TTBK2: variants seen among roughly 807,000 people sequenced by gnomAD.
TTBK2 encodes the protein tau tubulin kinase 2.
A neutral mutation model predicts 110.8 loss-of-function variants in TTBK2; 28 were observed. That is an observed-to-expected ratio of 0.25 (90% CI 0.19 to 0.35). TTBK2 has a LOEUF of 0.35. Among genes scored for constraint, TTBK2 ranks in the 10% least tolerant of loss-of-function variants. The pLI is 1.00. For missense variants in TTBK2, 1,369 were observed against 1,500.3 expected, an observed-to-expected ratio of 0.91 and a Z score of 1.45; for synonymous variants, 532 against 527.3, an observed-to-expected ratio of 1.01 and a Z score of -0.12.
intron 3 of TTBK2, among the ~76,000 whole-genome samples, chr15:42,849,908 A>G (rs941224542): frequency 6.6e-6 from 1 of 152,026 alleles, no homozygotes; most frequent in Non-Finnish European, 1.5e-5. Context: ...ACAATCTTTC[A>G]TTTCACTGGG....
At chr15:42,842,015 A>G (rs907080057) in intron 3 of TTBK2, among the ~76,000 whole-genome samples, 1 of 152,196 alleles carries the variant, frequency 6.6e-6, no homozygotes, top group Admixed American at 6.6e-5. Context: ...AGAATGTAAT[A>G]TAAGAGGAAA....
At chr15:42,755,556 T>TC (rs1000704864) in intron 13 of TTBK2, among the ~76,000 whole-genome samples, 1 of 152,196 alleles carries the variant, frequency 6.6e-6, no homozygotes, top group Admixed American at 6.5e-5. Context: ...GCAACCACGG[T>TC]CCTGAGGATC....
intron 1 of TTBK2, among the ~76,000 whole-genome samples, chr15:42,898,396 A>T (rs1386345935): frequency 1.3e-5 from 2 of 151,936 alleles, no homozygotes; most frequent in Admixed American, 6.6e-5. Context: ...AATACAAAAA[A>T]TAGCCAGTTA....
intron 3 of TTBK2, among the ~76,000 whole-genome samples, chr15:42,841,270 G>A (rs971038122): frequency 6.6e-6 from 1 of 152,146 alleles, no homozygotes; most frequent in Admixed American, 6.5e-5. Flanking sequence ...GCAGTGGCAA[G>A]ATCTTGGCTC....
chr15:42,763,161 T>TATATATATAC (rs1889138025), intron 13 of TTBK2, among the ~76,000 whole-genome samples: 1 of 10,126 alleles, frequency 9.9e-5, no homozygotes, highest in Admixed American at 1.3e-3. Context: ...TATATACATA[T>TATATATATAC]ATATATATAT....
chr15:42,810,872 G>A (rs1891681339), intron 8 of TTBK2, 133 bp from the exon 9 acceptor site: 1 of 1,018,464 alleles, frequency 9.8e-7, no homozygotes, highest in African/African-American at 1.6e-5. Flanking sequence ...AGCAAGAACT[G>A]AGCTCTTACT....
chr15:42,767,970 A>C (rs1889466406), intron 13 of TTBK2, among the ~76,000 whole-genome samples: 1 of 152,254 alleles, frequency 6.6e-6, no homozygotes, highest in Non-Finnish European at 1.5e-5. Flanking sequence ...ATGCAAATTA[A>C]TAAACATAAT....
intron 6 of TTBK2, among the ~76,000 whole-genome samples, chr15:42,826,257 T>G (rs1402913221): frequency 2.6e-5 from 4 of 152,038 alleles, no homozygotes; most frequent in African/African-American, 9.7e-5. Flanking sequence ...TTATATTTAT[T>G]TTTTATTTTA....
intron 7 of TTBK2, among the ~76,000 whole-genome samples, chr15:42,816,118 A>ATG (rs1555427690): frequency 8.0e-4 from 83 of 104,148 alleles, no homozygotes; most frequent in African/African-American, 1.2e-3. Context: ...ATATATATAT[A>ATG]TGTGTATATT....
At chr15:42,889,136 C>T (rs1567079741) in intron 1 of TTBK2, among the ~76,000 whole-genome samples, 2 of 152,306 alleles carry the variant, frequency 1.3e-5, no homozygotes, top group South Asian at 4.1e-4. Flanking sequence ...AATCACTTCT[C>T]AGTGTTCCAT....
Position 42,775,311 on chromosome 15 carries a change from G to A in TTBK2, c.1822C>T (p.His608Tyr), listed in dbSNP as rs184167929. 5.0e-6 allele frequency: 8 copies of A among 1,614,166 alleles called. No individual in the cohort carries two copies. The East Asian group carries it at 1.3e-4, about 27-fold the overall frequency. Residue 608 changes from histidine (H) to tyrosine (Y), a missense_variant, in exon 13 of 15, where the codon CAT becomes TAT. By Grantham distance (83) the His-to-Tyr change is moderately conservative. This residue lies in a region of TTBK2 where 1,097 missense variants were observed against 1,114.7 expected (regional missense o/e 0.98). Coordinates refer to ENST00000267890, the MANE Select transcript of TTBK2 (RefSeq NM_173500.4). ...LQLGPWAEND[H>Y]LKKETSGVVL... The stretch of plus-strand genomic sequence containing the variant: ...ACACCTGAGGTTTCCTTCTTTAAAT[G>A]ATCATTTTCTGCCCAAGGACCTAAC...
Position 42,898,510 on chromosome 15 carries a change from C to CA in TTBK2, c.-67-19827dup, listed in dbSNP as rs1480445748. Among the ~76,000 whole-genome samples, 77 of 124,082 alleles carry CA rather than the reference C, an allele frequency of 6.2e-4. 2 individuals are homozygous for CA. Among genetic ancestry groups the CA allele is most frequent in the African/African-American group, 2.5e-3 (75 of 29,684 alleles). The allele number at this position is 124,082 out of a possible 152,430, so 81.4% of individuals were successfully genotyped here. A position where few individuals can be genotyped will look rare whatever the true frequency, so the allele number is the denominator to read the frequency against. ...TGGGCGGCAGAGTGAGACTCTGTCT[C>CA]AAAAAGAAAAAAAAAAAGAAAAAGA... On this transcript the variant is annotated intron_variant, in intron 1 of 14. Transcript: ENST00000267890.
At chr15:42,829,472 A>G (rs1286126020) in intron 5 of TTBK2, among the ~76,000 whole-genome samples, 1 of 152,254 alleles carries the variant, frequency 6.6e-6, no homozygotes, top group African/African-American at 2.4e-5. Flanking sequence ...AATAATGCCA[A>G]TTTAGGCATA....
At chr15:42,919,283 T>A (rs1049218537) in intron 1 of TTBK2, among the ~76,000 whole-genome samples, 5 of 151,056 alleles carry the variant, frequency 3.3e-5, no homozygotes, top group African/African-American at 1.2e-4. Flanking sequence ...CTTCTTTATT[T>A]AAAAAAAAAA....
At chr15:42,834,182 T>G (rs1471422588) in intron 4 of TTBK2, among the ~76,000 whole-genome samples, 1 of 78,930 alleles carries the variant, frequency 1.3e-5, no homozygotes, top group East Asian at 4.9e-4. Context: ...AGACCCCATC[T>G]CAAAAAAAAA....
rs746298904 is a variant in TTBK2 at position 42,801,903 on chromosome 15, C to A, written c.823-7102G>T. 22 of 1,520,224 alleles carry A rather than the reference C, an allele frequency of 1.4e-5. No individual in the cohort carries two copies. In the South Asian group the frequency reaches 2.0e-4, roughly 14 times the overall value. 94.2% of individuals were successfully genotyped at this position (1,520,224 alleles called of 1,614,324 possible). ...ACTTGTTCCTGAAGTCCTCCACCAG[C>A]CCATGCATGTTGCCAAGCTCCGCCT... is the stretch of plus-strand genomic sequence containing the variant. On this transcript the variant is annotated intron_variant, in intron 9 of 14. Transcript: ENST00000267890.
chr15:42,746,092 G>A lies in TTBK2; in HGVS notation c.3438C>T (p.Val1146=). The change falls in exon 15 of 15, where the codon GTC becomes GTT. Residue 1146 remains valine (V), a synonymous_variant. Transcript: ENST00000267890. The part of the protein sequence containing the change: ...NPKTPPKSPV[V]PRRSPSASPR... ...GAGAGGCACTGGGACTCCTGCGAGG[G>A]ACAACTGGACTCTTGGGTGGTGTTT... The A allele has an allele frequency of 1.9e-6, 3 of 1,614,134 alleles. No individual in the cohort carries two copies. The highest frequency in any genetic ancestry group is 2.5e-6 in the Non-Finnish European group (3 of 1,180,026).
intron 7 of TTBK2, among the ~76,000 whole-genome samples, chr15:42,814,079 T>C (rs530190542): frequency 2.2e-4 from 33 of 151,922 alleles, no homozygotes; most frequent in Non-Finnish European, 4.6e-4. Context: ...TGGAGTGCGA[T>C]GGGGCACTAT....
At chr15:42,816,125 TA>T (rs1256029698) in intron 7 of TTBK2, among the ~76,000 whole-genome samples, 5 of 132,388 alleles carry the variant, frequency 3.8e-5, no homozygotes, top group South Asian at 2.4e-4. Flanking sequence ...TATATGTGTA[TA>T]TTTTTTTTGA....
Sources: gnomAD v4.1 joint callset for allele counts (sites outside exome capture counted in the v4.1 genomes callset) on GRCh38, gnomAD v4.1.1 for gene constraint, gnomAD v4.1.1 regional missense constraint, MANE v1.5 for transcripts, NCBI Gene and HGNC (gene_info 2026-07-23, HGNC 2026-07-21) for gene names.